Variants in SCHIP1 observed in about 807,000 individuals in gnomAD.
The protein encoded by SCHIP1 is schwannomin-interacting protein 1.
A neutral mutation model predicts 29.7 loss-of-function variants in SCHIP1; 8 were observed. The ratio of observed to expected loss-of-function variants is 0.27; its 90% CI spans 0.16 to 0.49. The LOEUF (loss-of-function observed/expected upper bound fraction) is 0.49, where lower values mean the gene tolerates loss of function less well. Among genes scored for constraint, SCHIP1 ranks in the 20% least tolerant of loss-of-function variants. SCHIP1 has a pLI of 0.99. For missense variants in SCHIP1, 193 were observed against 294.6 expected, an observed-to-expected ratio of 0.66 and a Z score of 2.52; for synonymous variants, 76 against 94.9, an observed-to-expected ratio of 0.80 and a Z score of 1.16.
chr3:159,573,903 G>T, the SCHIP1 span, among the ~76,000 whole-genome samples: 1 of 152,030 alleles, frequency 6.6e-6, no homozygotes, highest in Non-Finnish European at 1.5e-5. Context: ...GATCAAATCG[G>T]CTATTAAAGC....
chr3:159,714,043 C>T, the SCHIP1 span, among the ~76,000 whole-genome samples: 1 of 152,138 alleles, frequency 6.6e-6, no homozygotes, highest in Non-Finnish European at 1.5e-5. Context: ...TTGAGGCCAG[C>T]ATGGCCAACA....
the SCHIP1 span, chr3:159,309,118 C>T: frequency 5.9e-6 from 1 of 169,758 alleles, no homozygotes. Flanking sequence ...GCACATGTAC[C>T]CTCTCTATCT....
chr3:159,801,610 A>G, the SCHIP1 span, among the ~76,000 whole-genome samples: 1 of 152,174 alleles, frequency 6.6e-6, no homozygotes, highest in Non-Finnish European at 1.5e-5. Context: ...TCTTAAATTA[A>G]GTACAAGTTT....
chr3:159,889,051 G>A, intron 5 of SCHIP1, 108 bp downstream of exon 6: 1 of 1,382,810 alleles, frequency 7.2e-7, no homozygotes, highest in Non-Finnish European at 9.6e-7. Flanking sequence ...GGGTTCCTGT[G>A]TGATTGCAAG....
chr3:159,695,184 T>A, the SCHIP1 span, among the ~76,000 whole-genome samples: 1 of 152,210 alleles, frequency 6.6e-6, no homozygotes. Context: ...ACTAAACACC[T>A]TGAATGGCTT....
intron 2 of SCHIP1, among the ~76,000 whole-genome samples, chr3:159,867,041 C>T (rs1295136168): frequency 6.6e-6 from 1 of 152,070 alleles, no homozygotes; most frequent in South Asian, 2.1e-4. Flanking sequence ...ATTCATGCTG[C>T]CATTCCATAG....
chr3:159,528,859 A>T, the SCHIP1 span, among the ~76,000 whole-genome samples: 1 of 152,210 alleles, frequency 6.6e-6, no homozygotes, highest in Non-Finnish European at 1.5e-5. Context: ...AAAGAAATGA[A>T]AAGTAGAACC....
At chr3:159,820,765 G>A in the SCHIP1 span, among the ~76,000 whole-genome samples, 7 of 152,282 alleles carry the variant, frequency 4.6e-5, no homozygotes, top group African/African-American at 1.7e-4. Context: ...GAGTTCAGAA[G>A]AAGGTCTAGG....
At chr3:159,492,493 G>C in the SCHIP1 span, among the ~76,000 whole-genome samples, 29 of 152,268 alleles carry the variant, frequency 1.9e-4, 1 homozygote, top group African/African-American at 6.7e-4. Flanking sequence ...CTGGAAGAAA[G>C]GGTATCAGCG....
At chr3:159,277,950 C>A in the SCHIP1 span, among the ~76,000 whole-genome samples, 2 of 151,374 alleles carry the variant, frequency 1.3e-5, no homozygotes, top group African/African-American at 2.4e-5. Flanking sequence ...TATTTTTCAA[C>A]GGTATAGGAA....
At chr3:159,519,262 T>C in the SCHIP1 span, among the ~76,000 whole-genome samples, 1 of 152,156 alleles carries the variant, frequency 6.6e-6, no homozygotes. Context: ...AGCTTTAGGA[T>C]ATGTTGTTAA....
At chr3:159,397,316 C>T in the SCHIP1 span, among the ~76,000 whole-genome samples, 3 of 152,212 alleles carry the variant, frequency 2.0e-5, no homozygotes, top group Non-Finnish European at 4.4e-5. Flanking sequence ...CTTCTTCTCT[C>T]AGCTCGTTAA....
At chr3:159,309,306 T>C in the SCHIP1 span, 1 of 160,664 alleles carries the variant, frequency 6.2e-6, no homozygotes, top group East Asian at 1.9e-4. Flanking sequence ...TAAAATAAAT[T>C]AAATTTATCT....
chr3:159,455,672 A>T, the SCHIP1 span, among the ~76,000 whole-genome samples: 2 of 152,234 alleles, frequency 1.3e-5, no homozygotes, highest in Non-Finnish European at 2.9e-5. Context: ...TGATAGGCCC[A>T]ATCCTAATGA....
chr3:159,501,317 G>A, the SCHIP1 span, among the ~76,000 whole-genome samples: 1 of 152,074 alleles, frequency 6.6e-6, no homozygotes, highest in Admixed American at 6.5e-5. Context: ...TCTAAAGTTT[G>A]GAAACAAAAG....
At chr3:159,331,092 T>A in the SCHIP1 span, among the ~76,000 whole-genome samples, 1 of 152,162 alleles carries the variant, frequency 6.6e-6, no homozygotes, top group Admixed American at 6.5e-5. Flanking sequence ...AGTACTTAAT[T>A]TGGGAAAGTG....
chr3:159,354,818 A>G, the SCHIP1 span, among the ~76,000 whole-genome samples: 1 of 152,226 alleles, frequency 6.6e-6, no homozygotes, highest in African/African-American at 2.4e-5. Flanking sequence ...ATCGAGGACT[A>G]GATCTGTGTT....
the SCHIP1 span, chr3:159,764,466 T>G: frequency 6.3e-7 from 1 of 1,594,990 alleles, no homozygotes; most frequent in African/African-American, 1.3e-5. This position sits in a 1 kb window ranked among gnomAD's most constrained non-coding sequence, Gnocchi z 6.1. Context: ...ATGGGATGGA[T>G]CTAGGCAGTG....
the SCHIP1 span, among the ~76,000 whole-genome samples, chr3:159,482,694 C>A: frequency 0.02 from 3,113 of 152,196 alleles, 74 homozygotes; most frequent in Non-Finnish European, 0.029. Context: ...CAGCCAAACA[C>A]CCCTCCCATC....
Sources: gnomAD v4.1 joint callset for allele counts (sites outside exome capture counted in the v4.1 genomes callset) on GRCh38, gnomAD v4.1.1 for gene constraint, Gnocchi (gnomAD v3.1) non-coding constraint, MANE v1.5 for transcripts, NCBI Gene and HGNC (gene_info 2026-07-23, HGNC 2026-07-21) for gene names.